Variants in RAB3GAP1 observed in about 807,000 individuals in gnomAD.
The protein encoded by RAB3GAP1 is RAB3 GTPase activating protein catalytic subunit 1.
In RAB3GAP1, 86 loss-of-function variants were observed where a neutral mutation model predicts 130.7. The observed-to-expected ratio is 0.66, with a 90% CI of 0.55 to 0.79. The LOEUF (loss-of-function observed/expected upper bound fraction) is 0.79. RAB3GAP1 is among the 30% of genes least tolerant of loss of function. RAB3GAP1 has a pLI of 0.00. For synonymous variants in RAB3GAP1, 367 were observed against 401.7 expected (o/e 0.91, Z 1.03); for missense variants, 1,029 against 1,169.4 (o/e 0.88, Z 1.75).
chr2:135,168,547 T>C lies in RAB3GAP1; in HGVS notation c.2712T>C (p.Ala904=). 1.2e-6 allele frequency: 2 copies of C among 1,613,714 alleles called. No individual in the cohort carries two copies. Among genetic ancestry groups the C allele is most frequent in the Non-Finnish European group, 1.7e-6 (2 of 1,179,588 alleles). Residue 904 remains alanine (A), a splice_region_variant and synonymous_variant, in exon 24 of 24, where the codon GCT becomes GCC. Transcript: ENST00000264158. The part of the protein sequence containing the change: ...IHKLFVNAQR[A]AAMTPPEEEL... ...TTTAGCATTTGATTCTTTTCCAGGC[T>C]GCAGCTATGACTCCACCAGAGGAGG...
rs200519153 is a variant in RAB3GAP1, at chr2:135,168,683, C to T, written c.2848C>T (p.Pro950Ser). 1.4e-5 allele frequency: 22 copies of T among 1,614,180 alleles called. No individual in the cohort carries two copies. The highest frequency in any genetic ancestry group is 1.7e-5 in the Non-Finnish European group (20 of 1,180,030). The change falls in exon 24 of 24, where the codon CCC (proline) becomes TCC (serine). Residue 950 changes from proline to serine, a missense_variant. Physicochemically the swap from Pro to Ser is moderately conservative, Grantham distance 74. Coordinates refer to ENST00000264158, the MANE Select transcript of RAB3GAP1 (RefSeq NM_012233.3). ...GCGCACCACTGTGCCGCGCCCTGCT[C>T]CCTACTCCAAAGCTCTGCCTCAGCG... ...ILRTTVPRPA[P>S]YSKALPQRMY... is the part of the protein sequence containing the mutation.
At chr2:135,052,355 G>T (rs781061429) in intron 1 of RAB3GAP1, 30 bp downstream of exon 1, 8 of 1,614,118 alleles carry the variant, frequency 5.0e-6, no homozygotes, top group Non-Finnish European at 6.8e-6. Flanking sequence ...CTTAATCCTT[G>T]TCACTATCTA....
chr2:135,153,812 C>G lies in RAB3GAP1; in HGVS notation c.2225C>G (p.Thr742Arg), dbSNP rs1692238662. The change falls in exon 19 of 24, where the codon ACA (threonine) becomes AGA (arginine). Residue 742 changes from threonine to arginine, a missense_variant. Thr to Arg is a moderately conservative substitution (Grantham distance 71, BLOSUM62 -1). Coordinates refer to ENST00000264158, the MANE Select transcript of RAB3GAP1 (RefSeq NM_012233.3). ...PSNMWVEAWE[T>R]AKPIPARRQR... ...AATATGTGGGTAGAAGCCTGGGAAA[C>G]AGCTAAGCCAATTCCTGCTAGAAGG... The G allele has an allele frequency of 6.2e-7, 1 of 1,613,886 alleles. No homozygotes were observed. The highest frequency in any genetic ancestry group is 1.1e-5 in the South Asian group (1 of 91,080).
At chr2:135,095,379 A>G (rs564245561) in intron 5 of RAB3GAP1, among the ~76,000 whole-genome samples, 149 of 152,338 alleles carry the variant, frequency 9.8e-4, no homozygotes, top group Non-Finnish European at 1.7e-3. Flanking sequence ...TAGCGGTCAC[A>G]GGCCTGCTGG....
intron 23 of RAB3GAP1, among the ~76,000 whole-genome samples, chr2:135,166,797 C>T (rs1381941276): frequency 2.0e-5 from 3 of 152,084 alleles, no homozygotes; most frequent in African/African-American, 4.8e-5. Flanking sequence ...ACTTAATATA[C>T]TTAAGATATC....
chr2:135,169,151 C>T lies in RAB3GAP1; in HGVS notation c.*370C>T, dbSNP rs1350694493. The T allele has an allele frequency of 1.7e-5, 6 of 343,600 alleles. No homozygotes were observed. Among genetic ancestry groups the T allele is most frequent in the Non-Finnish European group, 3.4e-5 (6 of 178,484 alleles). The allele number at this position is 343,600 out of a possible 1,614,324, so 21.3% of individuals were successfully genotyped here. A position where few individuals can be genotyped will look rare whatever the true frequency, so the allele number is the denominator to read the frequency against. On this transcript the variant is annotated 3_prime_UTR_variant, in exon 24 of 24. Coordinates refer to ENST00000264158, the MANE Select transcript of RAB3GAP1 (RefSeq NM_012233.3). The stretch of plus-strand genomic sequence containing the variant: ...CGGCTGCATTCGTGGTCTGTGCAAA[C>T]ACTTCGTGGTTCTATATATCAGCAG...
rs1691588452 is a variant in RAB3GAP1, at chr2:135,132,952, A to G, written c.1294A>G (p.Asn432Asp). 2 of 1,580,590 alleles carry G rather than the reference A, an allele frequency of 1.3e-6. No individual in the cohort carries two copies. Among genetic ancestry groups the G allele is most frequent in the Non-Finnish European group, 8.7e-7 (1 of 1,149,836 alleles). ...KPLDGTTSTD[N>D]NNPPSESEDY... ...ATTAGATGGAACTACTTCAACAGAT[A>G]ATAATAATCCTCCATCAGAGAGTGA... The change falls in exon 14 of 24, where the codon AAT becomes GAT. Residue 432 changes from asparagine to aspartate, a missense_variant. By Grantham distance (23) the Asn-to-Asp change is conservative (BLOSUM62 1). This residue lies in a region of RAB3GAP1 where 510 missense variants were observed against 532.1 expected (regional missense o/e 0.96). Coordinates refer to ENST00000264158, the MANE Select transcript of RAB3GAP1 (RefSeq NM_012233.3).
At chr2:135,158,708 A>G (rs934682611) in intron 19 of RAB3GAP1, among the ~76,000 whole-genome samples, 5 of 152,204 alleles carry the variant, frequency 3.3e-5, no homozygotes, top group African/African-American at 9.7e-5. Flanking sequence ...ATCATCTTGC[A>G]TGATTTTTAA....
In RAB3GAP1 at chr2:135,168,728, A is replaced by G; in HGVS notation, c.2893A>G (p.Lys965Glu). 1.2e-6 allele frequency: 2 copies of G among 1,614,206 alleles called. No individual in the cohort carries two copies. Residue 965 changes from lysine (K) to glutamate (E), a missense_variant, in exon 24 of 24, where the codon AAA becomes GAA. By Grantham distance (56) the Lys-to-Glu change is moderately conservative. Coordinates refer to ENST00000264158, the MANE Select transcript of RAB3GAP1 (RefSeq NM_012233.3). ...TCAGCGGATGTACAGTGTTCTCACC[A>G]AAGAGGACTTTAGACTTGCAGGTGC... ...LPQRMYSVLTKEDFRLAGAFS... is the reference protein window; with the variant it reads ...LPQRMYSVLTEEDFRLAGAFS...
At chr2:135,175,946 T>C (rs941945623) in intron 24 of RAB3GAP1, among the ~76,000 whole-genome samples, 2 of 152,212 alleles carry the variant, frequency 1.3e-5, no homozygotes, top group African/African-American at 4.8e-5. Context: ...AATATTGCCA[T>C]TGTTATATTA....
intron 3 of RAB3GAP1, among the ~76,000 whole-genome samples, chr2:135,080,112 G>A (rs1400320055): frequency 5.0e-5 from 5 of 100,524 alleles, no homozygotes; most frequent in African/African-American, 1.6e-4. Context: ...ACGAGACTCC[G>A]TCTCAAAAAA....
intron 3 of RAB3GAP1, among the ~76,000 whole-genome samples, chr2:135,061,093 C>T (rs1689158376): frequency 6.6e-6 from 1 of 151,110 alleles, no homozygotes. Context: ...CCTTGACATC[C>T]TTTACTCACG....
chr2:135,121,047 T>C, intron 8 of RAB3GAP1, 129 bp downstream of exon 8: 1 of 774,848 alleles, frequency 1.3e-6, no homozygotes, highest in South Asian at 1.5e-5. Context: ...TCATTTTAAA[T>C]GTAATATTAT....
chr2:135,152,837 T>C (rs1302149385), intron 18 of RAB3GAP1: 1 of 152,278 alleles, frequency 6.6e-6, no homozygotes, highest in Admixed American at 6.5e-5. Flanking sequence ...CTGGAACACT[T>C]GTAGAAAGAC....
rs774438934 is a variant in RAB3GAP1 at position 135,135,822 on chromosome 2, A to G, written c.1813A>G (p.Lys605Glu). ...AGGAAATGGACAAGAGAGTGGCAAG[A>G]AAGGAGGACCTAAGGAGATGGCAAA... ...LKGNGQESGK[K>E]GGPKEMANLR... Residue 605 changes from lysine (K) to glutamate (E), a missense_variant, in exon 17 of 24, where the codon AAA becomes GAA. By Grantham distance (56) the Lys-to-Glu change is moderately conservative. Transcript: ENST00000264158. The G allele has an allele frequency of 1.2e-6, 2 of 1,614,222 alleles. No individual in the cohort carries two copies. Among genetic ancestry groups the G allele is most frequent in the East Asian group, 2.2e-5 (1 of 44,880 alleles).
At chr2:135,080,791 T>A (rs1056421833) in intron 3 of RAB3GAP1, among the ~76,000 whole-genome samples, 2 of 152,200 alleles carry the variant, frequency 1.3e-5, no homozygotes, top group Admixed American at 6.5e-5. Context: ...CCTTTGTTTC[T>A]GAATTTCCCC....
At position 135,162,562 on chromosome 2, in the gene RAB3GAP1, A is replaced by G. The variant is rs778165436; in HGVS notation, c.2297A>G (p.His766Arg). The G allele has an allele frequency of 3.1e-6, 5 of 1,613,454 alleles. No individual in the cohort carries two copies. The highest frequency in any genetic ancestry group is 4.2e-6 in the Non-Finnish European group (5 of 1,179,730). ...GCGCTGCACCTCCTTCAGGTGCTGC[A>G]CTATCTGGCAATCCAGAAACCTGCA... The part of the protein sequence containing the change: ...DDTREAEKVL[H>R]YLAIQKPADL... Residue 766 changes from histidine to arginine, a missense_variant, in exon 20 of 24, where the codon CAC becomes CGC. Coordinates refer to ENST00000264158, the MANE Select transcript of RAB3GAP1 (RefSeq NM_012233.3).
At chr2:135,142,178 C>A (rs1422145476) in intron 17 of RAB3GAP1, among the ~76,000 whole-genome samples, 1 of 152,018 alleles carries the variant, frequency 6.6e-6, no homozygotes, top group Non-Finnish European at 1.5e-5. Flanking sequence ...CATTAAATAT[C>A]TTCAATTTTA....
intron 19 of RAB3GAP1, among the ~76,000 whole-genome samples, chr2:135,160,588 C>T (rs893038551): frequency 6.8e-6 from 1 of 147,666 alleles, no homozygotes; most frequent in African/African-American, 2.5e-5. Flanking sequence ...GCAGGAGAAT[C>T]GCTTGAGCCT....
Sources: gnomAD v4.1 joint callset for allele counts (sites outside exome capture counted in the v4.1 genomes callset) on GRCh38, gnomAD v4.1.1 for gene constraint, gnomAD v4.1.1 regional missense constraint, MANE v1.5 for transcripts, NCBI Gene and HGNC (gene_info 2026-07-23, HGNC 2026-07-21) for gene names.